Variants in SLC30A6 observed in about 807,000 individuals in gnomAD.
The protein encoded by SLC30A6 is solute carrier family 30 member 6, also known as zinc transporter 6.
Under a neutral mutation model 63.0 loss-of-function variants are expected in SLC30A6, and 55 were observed. That is an observed-to-expected ratio of 0.87 (90% confidence interval 0.70 to 1.09). The LOEUF (loss-of-function observed/expected upper bound fraction) is 1.09. SLC30A6 is among the 50% of genes least tolerant of loss of function. The pLI is 0.00. For missense variants in SLC30A6, 587 were observed against 549.2 expected (o/e 1.07, Z -0.69); for synonymous variants, 224 against 186.1 (o/e 1.20, Z -1.66).
chr2:32,165,920 G>C lies in SLC30A6; in HGVS notation c.3+17G>C. On this transcript the variant is annotated intron_variant, in intron 1 of 13. Transcript: ENST00000282587. ...CTTATCATGGTGAGTTGGCTGTTGG[G>C]GTGAGGGTTTCGGCTGTAGCTGATT... 6.2e-7 allele frequency: 1 copy of C among 1,614,160 alleles called. No individual in the cohort carries two copies.
At chr2:32,190,423 C>T (rs1203255926) in intron 5 of SLC30A6, among the ~76,000 whole-genome samples, 1 of 150,580 alleles carries the variant, frequency 6.6e-6, no homozygotes, top group Admixed American at 6.6e-5. Flanking sequence ...CGTGTCATTG[C>T]TCTCCAGCCT....
chr2:32,179,688 A>C (rs1344020801), intron 4 of SLC30A6, among the ~76,000 whole-genome samples: 2 of 152,190 alleles, frequency 1.3e-5, no homozygotes, highest in South Asian at 2.1e-4. Context: ...CAAGATACAC[A>C]ACAGTGTATA....
chr2:32,220,806 T>A lies in SLC30A6; in HGVS notation c.*93T>A. 3 of 1,136,210 alleles carry A rather than the reference T, an allele frequency of 2.6e-6. No homozygotes were observed. Among genetic ancestry groups the A allele is most frequent in the Non-Finnish European group, 3.7e-6 (3 of 804,958 alleles). The allele number at this position is 1,136,210 out of a possible 1,614,324, so 70.4% of individuals were successfully genotyped here. A position where few individuals can be genotyped will look rare whatever the true frequency, so the allele number is the denominator to read the frequency against. Reference sequence around the variant, plus strand: ...TTGCATTGACTGTTTAATCATTTACTCTAAATGTTAGATAATAGTAGTCTT... The same window carrying A: ...TTGCATTGACTGTTTAATCATTTACACTAAATGTTAGATAATAGTAGTCTT... On this transcript the variant is annotated 3_prime_UTR_variant, in exon 14 of 14. Transcript: ENST00000282587.
At chr2:32,201,099 T>C (rs1207907703) in intron 10 of SLC30A6, among the ~76,000 whole-genome samples, 1 of 152,198 alleles carries the variant, frequency 6.6e-6, no homozygotes, top group African/African-American at 2.4e-5. Context: ...CACTCAATCT[T>C]TTGTGCGGCC....
intron 1 of SLC30A6, among the ~76,000 whole-genome samples, chr2:32,168,987 G>A (rs1474653340): frequency 2.0e-5 from 3 of 152,138 alleles, no homozygotes; most frequent in Non-Finnish European, 4.4e-5. Flanking sequence ...AAACCTTGTT[G>A]ATTCTCTTAA....
At chr2:32,181,526 A>G (rs533614509) in intron 4 of SLC30A6, among the ~76,000 whole-genome samples, 103 of 152,342 alleles carry the variant, frequency 6.8e-4, no homozygotes, top group African/African-American at 2.3e-3. Flanking sequence ...TTATTAACAA[A>G]TCTTATCTAT....
chr2:32,219,102 C>T (rs1573445365), intron 13 of SLC30A6, among the ~76,000 whole-genome samples: 2 of 152,042 alleles, frequency 1.3e-5, no homozygotes, highest in African/African-American at 4.8e-5. Context: ...GGCGTGATCT[C>T]GGCTCACTGC....
intron 10 of SLC30A6, among the ~76,000 whole-genome samples, chr2:32,200,443 C>T (rs1684185812): frequency 6.6e-6 from 1 of 151,480 alleles, no homozygotes; most frequent in South Asian, 2.1e-4. Flanking sequence ...ATTGAGAAAT[C>T]GGATGGTTGC....
chr2:32,198,950 G>T (rs212755), intron 10 of SLC30A6, among the ~76,000 whole-genome samples: 79,386 of 151,834 alleles, frequency 0.52, 20,975 homozygotes, highest in African/African-American at 0.56. Context: ...TTTTCCTCCT[G>T]CCTTCCTTAA....
chr2:32,197,937 G>A (rs1043838896), intron 10 of SLC30A6, 111 bp downstream of exon 10: 75 of 1,274,536 alleles, frequency 5.9e-5, no homozygotes, highest in Non-Finnish European at 7.8e-5. Context: ...CTTATGTCCT[G>A]TGTAACTTAG....
chr2:32,209,420 C>G (rs1405346763), intron 12 of SLC30A6, 73 bp from the exon 13 acceptor site: 1 of 1,203,136 alleles, frequency 8.3e-7, no homozygotes, highest in Non-Finnish European at 1.2e-6. Flanking sequence ...TAAACTAAGT[C>G]CATAATGTGA....
At chr2:32,187,052 G>A in intron 5 of SLC30A6, 1 of 369,940 alleles carries the variant, frequency 2.7e-6, no homozygotes, top group Admixed American at 3.5e-5. Context: ...GGAAAAAATG[G>A]GAGGACTTTT....
intron 12 of SLC30A6, among the ~76,000 whole-genome samples, chr2:32,208,694 A>G (rs911533419): frequency 6.6e-6 from 1 of 151,046 alleles, no homozygotes; most frequent in African/African-American, 2.4e-5. Flanking sequence ...GTACTTTTTT[A>G]GTAGAGACAG....
intron 1 of SLC30A6, 55 bp from the exon 2 acceptor site, chr2:32,171,232 A>G: frequency 7.0e-7 from 1 of 1,421,874 alleles, no homozygotes; most frequent in Non-Finnish European, 9.9e-7. Flanking sequence ...ATATCATAGG[A>G]ACTCTGAAGA....
chr2:32,166,274 A>T (rs939392071), intron 1 of SLC30A6, among the ~76,000 whole-genome samples: 5 of 151,784 alleles, frequency 3.3e-5, no homozygotes, highest in African/African-American at 1.2e-4. Flanking sequence ...TGTAATAGTG[A>T]TTCTTAGAGC....
chr2:32,201,048 A>C (rs1573368157), intron 10 of SLC30A6, among the ~76,000 whole-genome samples: 3 of 152,078 alleles, frequency 2.0e-5, no homozygotes, highest in South Asian at 4.2e-4. Flanking sequence ...GTCTCTGCCC[A>C]AATGTCACCT....
intron 3 of SLC30A6, among the ~76,000 whole-genome samples, chr2:32,174,837 C>A (rs978229378): frequency 6.6e-6 from 1 of 152,188 alleles, no homozygotes; most frequent in Non-Finnish European, 1.5e-5. Flanking sequence ...CAGGCGTGAG[C>A]CACCGTGCCT....
chr2:32,215,516 A>T (rs200077176), intron 13 of SLC30A6, among the ~76,000 whole-genome samples: 6,038 of 132,390 alleles, frequency 0.046, 164 homozygotes, highest in Admixed American at 0.076. Flanking sequence ...ATATATATAT[A>T]TTTTTTTTTT....
rs1438669736 is a variant in SLC30A6, at chr2:32,221,856, T to C, written c.*1143T>C. The C allele has an allele frequency of 1.3e-5, 2 of 152,206 alleles. No homozygotes were observed. The highest frequency in any genetic ancestry group is 2.4e-5 in the African/African-American group (1 of 41,464). 9.4% of individuals were successfully genotyped at this position (152,206 alleles called of 1,614,324 possible). A position where few individuals can be genotyped will look rare whatever the true frequency, so the allele number is the denominator to read the frequency against. ...TTTAATCAAATACTGACATAATGAATTTATCTTTCCTGACACATTTTCATT... is the reference window on the plus strand; with the variant it reads ...TTTAATCAAATACTGACATAATGAACTTATCTTTCCTGACACATTTTCATT... On this transcript the variant is annotated 3_prime_UTR_variant, in exon 14 of 14. Transcript: ENST00000282587.
Sources: gnomAD v4.1 joint callset for allele counts (sites outside exome capture counted in the v4.1 genomes callset) on GRCh38, gnomAD v4.1.1 for gene constraint, MANE v1.5 for transcripts, NCBI Gene and HGNC (gene_info 2026-07-23, HGNC 2026-07-21) for gene names.